The following DAB1 variants were observed in gnomAD, a reference collection of about 807,000 sequenced individuals.
DAB1 encodes DAB adaptor protein 1.
A neutral mutation model predicts 64.6 loss-of-function variants in DAB1; 15 were observed. That is an observed-to-expected ratio of 0.23 (90% CI 0.16 to 0.36). DAB1 has a LOEUF of 0.36. DAB1 is among the 10% of genes least tolerant of loss of function. The pLI, the probability that DAB1 is intolerant of heterozygous loss-of-function variation, is 1.00. For missense variants in DAB1, 596 were observed against 706.7 expected (o/e 0.84, Z 1.78); for synonymous variants, 235 against 251.9 (o/e 0.93, Z 0.64).
At chr1:58,425,942 G>A (rs724565) in intron 3 of DAB1, among the ~76,000 whole-genome samples, 11,727 of 151,766 alleles carry the variant, frequency 0.077, 701 homozygotes, top group East Asian at 0.31. Flanking sequence ...GGTGGTGGAA[G>A]GTAGGGTTAG....
intron 1 of DAB1, among the ~76,000 whole-genome samples, chr1:57,309,595 T>C (rs1420875410): frequency 6.6e-6 from 1 of 151,922 alleles, no homozygotes; most frequent in Non-Finnish European, 1.5e-5. Flanking sequence ...TTCCTAGAAC[T>C]CCAGGCACAG....
At chr1:56,999,257 T>C (rs1255255133) in intron 14 of DAB1, among the ~76,000 whole-genome samples, 1 of 152,222 alleles carries the variant, frequency 6.6e-6, no homozygotes, top group Non-Finnish European at 1.5e-5. Context: ...AGATGCTTTA[T>C]CTCTTTTGCA....
At chr1:57,663,626 TTTC>T (rs1015370147) in intron 6 of DAB1, among the ~76,000 whole-genome samples, 7 of 152,256 alleles carry the variant, frequency 4.6e-5, no homozygotes, top group Non-Finnish European at 8.8e-5. Context: ...CTCCCAATAT[TTTC>T]TTATTTTTTT....
chr1:58,128,133 C>T (rs982391551), intron 5 of DAB1, among the ~76,000 whole-genome samples: 14 of 152,032 alleles, frequency 9.2e-5, no homozygotes, highest in Admixed American at 9.2e-4. Context: ...CTTTTATTTC[C>T]TGGAGCAGTG....
chr1:58,452,068 G>A lies in DAB1; in HGVS notation n.257+53992C>T, dbSNP rs903199719. Among the ~76,000 whole-genome samples the A allele has an allele frequency of 9.2e-5, 14 of 152,052 alleles. No homozygotes were observed. The South Asian group carries it at 1.2e-3, about 14-fold the overall frequency. ...TTGCCTTAGCCTCCTGAGTGGCTGGGATTACAGGTGCGAGCCAACACGTCA... is the reference window on the plus strand; with the variant it reads ...TTGCCTTAGCCTCCTGAGTGGCTGGAATTACAGGTGCGAGCCAACACGTCA... On this transcript the variant is annotated intron_variant and non_coding_transcript_variant, in intron 3 of 20. Coordinates refer to the DAB1 transcript ENST00000485760.
At chr1:57,872,424 A>G (rs1643969097) in intron 1 of DAB1, among the ~76,000 whole-genome samples, 1 of 152,206 alleles carries the variant, frequency 6.6e-6, no homozygotes, top group South Asian at 2.1e-4. Flanking sequence ...TCAGACACCA[A>G]ATCTGCTGAA....
intron 1 of DAB1, among the ~76,000 whole-genome samples, chr1:57,331,966 GT>G (rs1676710324): frequency 6.6e-6 from 1 of 152,080 alleles, no homozygotes; most frequent in Non-Finnish European, 1.5e-5. Context: ...TTGTTTGCTT[GT>G]TTGTTTGTTT....
intron 3 of DAB1, among the ~76,000 whole-genome samples, chr1:58,483,658 T>C (rs904360167): frequency 6.6e-6 from 1 of 152,186 alleles, no homozygotes; most frequent in African/African-American, 2.4e-5. Context: ...CTATAGCACT[T>C]ACAGCACTTA....
chr1:57,228,400 A>C (rs1365273415), intron 2 of DAB1, among the ~76,000 whole-genome samples: 1 of 152,222 alleles, frequency 6.6e-6, no homozygotes, highest in East Asian at 1.9e-4. Context: ...AAAAGAATGC[A>C]AATATAGGAT....
chr1:58,402,299 C>T (rs2100564554), intron 3 of DAB1, among the ~76,000 whole-genome samples: 1 of 152,332 alleles, frequency 6.6e-6, no homozygotes, highest in East Asian at 1.9e-4. Flanking sequence ...ATTAGATGGC[C>T]TAATCAGCAC....
At chr1:57,319,648 T>TG (rs1388627203) in intron 1 of DAB1, among the ~76,000 whole-genome samples, 1 of 152,178 alleles carries the variant, frequency 6.6e-6, no homozygotes, top group African/African-American at 2.4e-5. Context: ...TGCCTTTTCT[T>TG]GCCCACTTTC....
At chr1:58,362,476 C>G (rs1335577250) in intron 3 of DAB1, among the ~76,000 whole-genome samples, 1 of 152,166 alleles carries the variant, frequency 6.6e-6, no homozygotes, top group Non-Finnish European at 1.5e-5. Flanking sequence ...CTTTTGAGTC[C>G]ATGATCTAGG....
chr1:58,133,479 C>T (rs868031836), intron 5 of DAB1, among the ~76,000 whole-genome samples: 1 of 152,208 alleles, frequency 6.6e-6, no homozygotes, highest in African/African-American at 2.4e-5. Context: ...ATTTGCTTAA[C>T]TGTCTGAATC....
intron 5 of DAB1, among the ~76,000 whole-genome samples, chr1:58,066,787 C>A (rs1371944838): frequency 6.6e-6 from 1 of 152,134 alleles, no homozygotes; most frequent in Non-Finnish European, 1.5e-5. Flanking sequence ...TCCTCAGATA[C>A]CATGAGACAC....
intron 2 of DAB1, among the ~76,000 whole-genome samples, chr1:57,218,515 TAAAAAAAAAAAAAAA>T (rs776398255): frequency 1.4e-5 from 1 of 71,440 alleles, no homozygotes; most frequent in African/African-American, 7.4e-5. Context: ...CCCCCATCTC[TAAAAAAAAAAAAAAA>T]AAAAAAAAAA....
Position 57,980,657 on chromosome 1 carries a change from C to CGA in DAB1, n.388-96496_388-96495insTC, listed in dbSNP as rs541219891. On this transcript the variant is annotated intron_variant and non_coding_transcript_variant, in intron 5 of 20. Transcript: ENST00000485760. The stretch of plus-strand genomic sequence containing the variant: ...GAAACTGTTAGTCTTGTAGAGTCAT[C>CGA]TGCTTCTTTGCTTCTCTTTCCATTC... Among the ~76,000 whole-genome samples, 39 of 152,268 alleles carry CGA rather than the reference C, an allele frequency of 2.6e-4. No homozygotes were observed. In the South Asian group the frequency reaches 8.1e-3, roughly 32 times the overall value.
intron 3 of DAB1, among the ~76,000 whole-genome samples, chr1:58,377,261 T>C (rs879775316): frequency 0.023 from 3,324 of 147,656 alleles, 50 homozygotes; most frequent in Non-Finnish European, 0.038. Context: ...GTTGATGCAG[T>C]TTCTTCCTAG....
intron 6 of DAB1, among the ~76,000 whole-genome samples, chr1:57,814,260 T>G (rs978486760): frequency 1.3e-5 from 2 of 152,200 alleles, no homozygotes; most frequent in Non-Finnish European, 2.9e-5. Context: ...AATATGAATC[T>G]AAGTACAGAT....
intron 5 of DAB1, among the ~76,000 whole-genome samples, chr1:58,059,864 C>T (rs1648379422): frequency 6.6e-6 from 1 of 152,214 alleles, no homozygotes; most frequent in South Asian, 2.1e-4. Context: ...AGAAAGGATG[C>T]ACCAACAGGC....
Sources: allele counts gnomAD v4.1 joint callset (sites outside exome capture counted in the v4.1 genomes callset), GRCh38; gene constraint gnomAD v4.1.1; transcripts MANE v1.5; gene names NCBI Gene and HGNC (gene_info 2026-07-23, HGNC 2026-07-21).